Variants in LCTL observed in about 807,000 individuals in gnomAD.
LCTL encodes lactase-like protein.
LCTL carries 76 observed loss-of-function variants against 75.8 expected under a neutral mutation model. The ratio of observed to expected loss-of-function variants is 1.00; its 90% CI spans 0.83 to 1.21. LCTL has a LOEUF of 1.21. Among genes scored for constraint, LCTL ranks in the 50% most tolerant of loss-of-function variants. The probability of loss-of-function intolerance (pLI) is 0.00; values close to 1 mark genes in which losing one functional copy is unlikely to be tolerated. For missense variants in LCTL, 670 were observed against 712.4 expected (o/e 0.94, Z 0.68); for synonymous variants, 271 against 268.8 (o/e 1.01, Z -0.08).
At chr15:66,562,524 G>A (rs1342229591) in intron 4 of LCTL, among the ~76,000 whole-genome samples, 1 of 152,030 alleles carries the variant, frequency 6.6e-6, no homozygotes, top group Non-Finnish European at 1.5e-5. Flanking sequence ...GAGTGCTTGT[G>A]ATACTGGCTC....
chr15:66,563,802 A>C (rs1305779528), intron 3 of LCTL, 109 bp downstream of exon 4: 1 of 940,570 alleles, frequency 1.1e-6, no homozygotes, highest in East Asian at 2.5e-5. Context: ...ACCGTCAGCA[A>C]CTACGTTCAT....
intron 2 of LCTL, 65 bp downstream of exon 3, chr15:66,564,611 C>A: frequency 3.9e-6 from 6 of 1,534,108 alleles, no homozygotes; most frequent in Non-Finnish European, 5.3e-6. Context: ...TGCCTCCCAG[C>A]TAGGCATGTA....
At chr15:66,556,678 C>T (rs1048612024) in intron 8 of LCTL, among the ~76,000 whole-genome samples, 18 of 152,232 alleles carry the variant, frequency 1.2e-4, no homozygotes, top group African/African-American at 3.9e-4. Context: ...ATCTTGAGGA[C>T]ATTATGCTAA....
In LCTL at chr15:66,561,184, T is replaced by C. The variant is rs1322856724; in HGVS notation, c.609+3A>G. On this transcript the variant is annotated splice_donor_region_variant and intron_variant, in intron 5 of 12. Coordinates refer to ENST00000341509, the Ensembl canonical transcript of LCTL. ...TTCTCCCACCTGGAGGGGCCCTGCT[T>C]ACCCGAGGATCACTGAACGTGATCC... is the stretch of plus-strand genomic sequence containing the variant. The C allele has an allele frequency of 6.2e-7, 1 of 1,614,198 alleles. No individual in the cohort carries two copies. The highest frequency in any genetic ancestry group is 1.1e-5 in the South Asian group (1 of 91,082).
chr15:66,553,259 C>T lies in LCTL; in HGVS notation c.923-1G>A, dbSNP rs1567058851. 3 of 1,537,444 alleles carry T rather than the reference C, an allele frequency of 2.0e-6. No homozygotes were observed. Among genetic ancestry groups the T allele is most frequent in the East Asian group, 2.4e-5 (1 of 42,466 alleles). On this transcript the variant is annotated splice_acceptor_variant, in intron 8 of 12. Transcript: ENST00000341509. LOFTEE classifies it high-confidence loss of function. ...AGGCCTTGCTCTGCACTCTTTCTTC[C>T]TTTTGAGAGAGAAAAGTAGAATTTA...
Position 66,561,353 on chromosome 15 carries a change from C to G in LCTL, c.481-38G>C, listed in dbSNP as rs778533084. 1.9e-6 allele frequency: 3 copies of G among 1,613,150 alleles called. No individual in the cohort carries two copies. In the South Asian group the frequency reaches 3.3e-5, roughly 18 times the overall value. On this transcript the variant is annotated intron_variant, in intron 4 of 12. Coordinates refer to ENST00000341509, the Ensembl canonical transcript of LCTL. Reference sequence around the variant, plus strand: ...AGAAGCAGATGCCCCATGAATGAACCGCAAAGCGGTTTAAATGTGGAGATA... The same window carrying G: ...AGAAGCAGATGCCCCATGAATGAACGGCAAAGCGGTTTAAATGTGGAGATA...
rs564680521 is a variant in LCTL at position 66,557,815 on chromosome 15, C to T, written c.829G>A (p.Glu277Lys). The T allele has an allele frequency of 3.7e-6, 6 of 1,614,040 alleles. No homozygotes were observed. In the East Asian group the frequency reaches 8.9e-5, roughly 24 times the overall value. ...AACTGTAGGTATCTCTCGGCAGCCTCTAGGTCCTTGGGGTTACTAATGTCC... is the reference window on the plus strand; with the variant it reads ...AACTGTAGGTATCTCTCGGCAGCCTTTAGGTCCTTGGGGTTACTAATGTCC... Residue 277 changes from glutamate (E) to lysine (K), a missense_variant, in exon 8 of 13, where the codon GAG becomes AAG. By Grantham distance (56) the Glu-to-Lys change is moderately conservative. Coordinates refer to ENST00000341509, the Ensembl canonical transcript of LCTL.
At chr15:66,558,685 GTGTTTTTTTTTTTTT>G (rs891228508) in intron 6 of LCTL, among the ~76,000 whole-genome samples, 77 of 104,736 alleles carry the variant, frequency 7.4e-4, no homozygotes, top group Middle Eastern at 0.011. Context: ...GTGTGTGTGT[GTGTTTTTTTTTTTTT>G]TTTTTTTTAT....
Position 66,557,870 on chromosome 15 carries a change from A to C in LCTL, c.774T>G (p.Ile258Met), listed in dbSNP as rs748118822. The C allele has an allele frequency of 3.5e-5, 56 of 1,613,878 alleles. No homozygotes were observed. The South Asian group carries it at 5.8e-4, about 17-fold the overall frequency. The change falls in exon 8 of 13, where the codon ATT (isoleucine) becomes ATG (methionine). Residue 258 changes from isoleucine to methionine, a missense_variant. Physicochemically the swap from Ile to Met is conservative, Grantham distance 10. Transcript: ENST00000341509. Reference sequence around the variant, plus strand: ...GTTCCCCCCAGTCACAGTTCAATGAAATTCCCACCAGACCTTAAAAGAAAA... The same window carrying C: ...GTTCCCCCCAGTCACAGTTCAATGACATTCCCACCAGACCTTAAAAGAAAA...
chr15:66,553,328 C>T (rs537362560), intron 8 of LCTL, 70 bp from the exon 10 acceptor site: 20 of 1,255,992 alleles, frequency 1.6e-5, no homozygotes, highest in South Asian at 9.2e-5. Context: ...TGTATCATGA[C>T]GATAGTGACA....
At chr15:66,559,479 G>A (rs1183652757) in intron 6 of LCTL, among the ~76,000 whole-genome samples, 1 of 152,172 alleles carries the variant, frequency 6.6e-6, no homozygotes, top group Non-Finnish European at 1.5e-5. Flanking sequence ...AGGGCAAGGT[G>A]GGTAGATCAC....
rs372001221 is a variant in LCTL, at chr15:66,550,931, G to C, written c.1524+731C>G. 3.9e-5 allele frequency among the ~76,000 whole-genome samples: 6 copies of C among 152,306 alleles called. No homozygotes were observed. The East Asian group carries it at 9.6e-4, about 24-fold the overall frequency. On this transcript the variant is annotated intron_variant, in intron 11 of 12. Transcript: ENST00000341509. ...TACTTTAGATCTCATTTTGAAGCCA[G>C]TGTGTGTGTATGGCTCTGCTGCTTG...
intron 3 of LCTL, 24 bp downstream of exon 4, chr15:66,563,887 T>C (rs939366754): frequency 6.3e-7 from 1 of 1,597,154 alleles, no homozygotes; most frequent in African/African-American, 1.3e-5. Context: ...TCACTTGGGT[T>C]CAAGAGGGGC....
rs942827304 is a variant in LCTL at position 66,564,623 on chromosome 15, T to C, written c.282+53A>G. The C allele has an allele frequency of 2.5e-6, 4 of 1,574,444 alleles. No homozygotes were observed. The Admixed American group carries it at 6.9e-5, about 27-fold the overall frequency. ...CCCTGCCTCCCAGCTAGGCATGTAC[T>C]CACATGTGTGTGCACGCGCGCGCAC... On this transcript the variant is annotated intron_variant, in intron 2 of 12. Coordinates refer to ENST00000341509, the Ensembl canonical transcript of LCTL.
In LCTL at chr15:66,564,928, A is replaced by G. The variant is rs895747092; in HGVS notation, c.119-89T>C. Reference sequence around the variant, plus strand: ...GGGCTGTGCCTCCCAGGCCTCAGGGACTGCCCCTCCCTACCACGCTGCCCC... The same window carrying G: ...GGGCTGTGCCTCCCAGGCCTCAGGGGCTGCCCCTCCCTACCACGCTGCCCC... On this transcript the variant is annotated intron_variant, in intron 1 of 12. Transcript: ENST00000341509. The G allele has an allele frequency of 9.3e-6, 12 of 1,293,068 alleles. No individual in the cohort carries two copies. The South Asian group carries it at 1.5e-4, about 16-fold the overall frequency. 80.1% of individuals were successfully genotyped at this position (1,293,068 alleles called of 1,614,324 possible).
At chr15:66,551,803 A>T in exon 11 of LCTL, 1 of 1,614,012 alleles carries the variant, frequency 6.2e-7, no homozygotes, top group Non-Finnish European at 8.5e-7. Flanking sequence ...TCTCCCATTC[A>T]AACTTATCCA....
intron 4 of LCTL, among the ~76,000 whole-genome samples, chr15:66,561,704 G>T (rs536115356): frequency 2.6e-5 from 4 of 152,156 alleles, no homozygotes; most frequent in Non-Finnish European, 5.9e-5. Flanking sequence ...ACTTGTCACT[G>T]TATCGAGACT....
chr15:66,552,281 G>T (rs1895626721), intron 9 of LCTL, 112 bp from the exon 11 acceptor site: 2 of 822,430 alleles, frequency 2.4e-6, no homozygotes, highest in African/African-American at 1.7e-5. Flanking sequence ...TTCTAATCAA[G>T]TGTATTTTGG....
chr15:66,551,671 A>G, exon 11 of LCTL: 1 of 1,613,758 alleles, frequency 6.2e-7, no homozygotes, highest in Non-Finnish European at 8.5e-7. Flanking sequence ...CCTCTCTTGG[A>G]TTGGGAAACC....
Sources: allele counts gnomAD v4.1 joint callset (sites outside exome capture counted in the v4.1 genomes callset), GRCh38; gene constraint gnomAD v4.1.1; transcripts MANE v1.5; gene names NCBI Gene and HGNC (gene_info 2026-07-23, HGNC 2026-07-21).